PRDM16: variants seen among roughly 807,000 people sequenced by gnomAD.
PRDM16 encodes PR/SET domain 16, also known as histone-lysine N-methyltransferase PRDM16.
PRDM16 carries 23 observed loss-of-function variants against 110.6 expected under a neutral mutation model. The ratio of observed to expected loss-of-function variants is 0.21; its 90% CI spans 0.15 to 0.29. The LOEUF (loss-of-function observed/expected upper bound fraction) is 0.29. Ranked by LOEUF, PRDM16 falls within the 10% of genes least tolerant of loss-of-function variation. The pLI, the probability that PRDM16 is intolerant of heterozygous loss-of-function variation, is 1.00. For synonymous variants in PRDM16, 799 were observed against 781.8 expected, an observed-to-expected ratio of 1.02 and a Z score of -0.37; for missense variants, 1,615 against 1,794.3, an observed-to-expected ratio of 0.90 and a Z score of 1.81.
At chr1:3,169,445 C>T (rs918202469) in intron 1 of PRDM16, among the ~76,000 whole-genome samples, 5 of 151,968 alleles carry the variant, frequency 3.3e-5, no homozygotes, top group Admixed American at 3.3e-4. Flanking sequence ...GAGTGCAGGC[C>T]GAGGGGCTTG....
intron 12 of PRDM16, among the ~76,000 whole-genome samples, chr1:3,421,540 G>C (rs1470246009): frequency 6.6e-6 from 1 of 152,174 alleles, no homozygotes; most frequent in Non-Finnish European, 1.5e-5. Flanking sequence ...TGGGCTCACG[G>C]CTCCCCTAAA....
intron 1 of PRDM16, among the ~76,000 whole-genome samples, chr1:3,162,239 C>T (rs1012007458): frequency 7.2e-5 from 11 of 152,304 alleles, no homozygotes; most frequent in East Asian, 1.9e-4. Context: ...AGGAAAACCC[C>T]GTGCCCGGTA....
chr1:3,114,506 G>GCA (rs139234332), intron 1 of PRDM16, among the ~76,000 whole-genome samples: 8 of 149,754 alleles, frequency 5.3e-5, no homozygotes, highest in Admixed American at 3.3e-4. Context: ...ACACGCGCAT[G>GCA]CACACACACA....
At chr1:3,182,239 G>C (rs1190692163) in intron 1 of PRDM16, among the ~76,000 whole-genome samples, 1 of 152,230 alleles carries the variant, frequency 6.6e-6, no homozygotes, top group Non-Finnish European at 1.5e-5. Context: ...CAAGAATCTA[G>C]GCTGAAATCT....
chr1:3,346,516 C>T (rs1642365643), intron 3 of PRDM16, among the ~76,000 whole-genome samples: 1 of 152,196 alleles, frequency 6.6e-6, no homozygotes. Context: ...ATACGTGGCC[C>T]TCCCGCCTCT....
intron 2 of PRDM16, among the ~76,000 whole-genome samples, chr1:3,241,320 C>G (rs948516609): frequency 1.3e-4 from 20 of 152,352 alleles, no homozygotes; most frequent in African/African-American, 4.8e-4. Context: ...GCGGCTCTTC[C>G]GTGGTTCCAC....
chr1:3,069,550 C>A lies in PRDM16; in HGVS notation c.37+254C>A, dbSNP rs1021443532. ...CCCTCCCCGCGGAACCCCCTCCCCC[C>A]CCACCAGTGTCAGGCGCTCGGGCCC... On this transcript the variant is annotated intron_variant, in intron 1 of 16. Coordinates refer to ENST00000270722, the MANE Select transcript of PRDM16 (RefSeq NM_022114.4). The surrounding 1 kb of genome is among the most constrained non-coding windows in gnomAD (Gnocchi z 6.1). 2.0e-5 allele frequency among the ~76,000 whole-genome samples: 3 copies of A among 149,244 alleles called. No homozygotes were observed. The highest frequency in any genetic ancestry group is 6.6e-5 in the Admixed American group (1 of 15,156).
chr1:3,181,370 A>G (rs1191626826), intron 1 of PRDM16, among the ~76,000 whole-genome samples: 2 of 38,832 alleles, frequency 5.2e-5, no homozygotes, highest in Non-Finnish European at 8.6e-5. Flanking sequence ...GGTCTTACAC[A>G]CGCAGTCTTA....
At chr1:3,365,672 C>G (rs935645603) in intron 3 of PRDM16, among the ~76,000 whole-genome samples, 12 of 152,246 alleles carry the variant, frequency 7.9e-5, no homozygotes, top group Non-Finnish European at 4.4e-5. Context: ...GGCCCTGAAG[C>G]TGCCACTGCA....
At chr1:3,073,529 C>T (rs1433296811) in intron 1 of PRDM16, among the ~76,000 whole-genome samples, 1 of 152,180 alleles carries the variant, frequency 6.6e-6, no homozygotes, top group Non-Finnish European at 1.5e-5. Context: ...GGAGCAGCTC[C>T]GGCGACTTCC....
intron 1 of PRDM16, among the ~76,000 whole-genome samples, chr1:3,117,697 A>G (rs1642991771): frequency 6.6e-6 from 1 of 152,136 alleles, no homozygotes; most frequent in South Asian, 2.1e-4. Context: ...GTCCAGGCCC[A>G]GGTCCCGTCT....
chr1:3,078,213 C>T lies in PRDM16; in HGVS notation c.37+8917C>T, dbSNP rs372491450. Among the ~76,000 whole-genome samples, 53 of 152,252 alleles carry T rather than the reference C, an allele frequency of 3.5e-4. 1 individual carries two copies. Among genetic ancestry groups the T allele is most frequent in the African/African-American group, 1.1e-3 (46 of 41,536 alleles). On this transcript the variant is annotated intron_variant, in intron 1 of 16. Coordinates refer to ENST00000270722, the MANE Select transcript of PRDM16 (RefSeq NM_022114.4). ...GGTGGGATTCCTGTGTGCCGGGCTC[C>T]GAGACCTGCATGTCAGGGGGCAGAG...
At chr1:3,399,806 A>T (rs1282470647) in intron 5 of PRDM16, among the ~76,000 whole-genome samples, 1 of 152,166 alleles carries the variant, frequency 6.6e-6, no homozygotes, top group African/African-American at 2.4e-5. Context: ...AACTACTATG[A>T]TTGTTCTTCA....
intron 1 of PRDM16, among the ~76,000 whole-genome samples, chr1:3,120,500 T>C (rs1255685892): frequency 6.6e-6 from 1 of 152,170 alleles, no homozygotes; most frequent in Non-Finnish European, 1.5e-5. Flanking sequence ...CACCAGGTCA[T>C]TTCTTTTTAG....
At chr1:3,407,435 T>C (rs991030926) in intron 8 of PRDM16, among the ~76,000 whole-genome samples, 4 of 152,196 alleles carry the variant, frequency 2.6e-5, no homozygotes, top group African/African-American at 9.7e-5. Context: ...ATGTGTGCAG[T>C]GTGCCCGGCT....
At chr1:3,314,351 G>A (rs116409299) in intron 3 of PRDM16, among the ~76,000 whole-genome samples, 1,628 of 152,282 alleles carry the variant, frequency 0.011, 27 homozygotes, top group African/African-American at 0.037. Context: ...AGGAGAGGGA[G>A]AGAGAGATGG....
intron 2 of PRDM16, among the ~76,000 whole-genome samples, chr1:3,232,592 G>C (rs1201912551): frequency 2.0e-5 from 3 of 152,298 alleles, no homozygotes; most frequent in African/African-American, 7.2e-5. Flanking sequence ...TGAGTAAGTG[G>C]GATGCATGAC....
chr1:3,334,335 A>T (rs1236546905), intron 3 of PRDM16, among the ~76,000 whole-genome samples: 1 of 152,068 alleles, frequency 6.6e-6, no homozygotes, highest in East Asian at 1.9e-4. Context: ...CACGTCAGGG[A>T]CTTCCATCAG....
In PRDM16 at chr1:3,071,313, C is replaced by T. The variant is rs991755419; in HGVS notation, c.37+2017C>T. Among the ~76,000 whole-genome samples, 4 of 152,384 alleles carry T rather than the reference C, an allele frequency of 2.6e-5. No individual in the cohort carries two copies. The East Asian group carries it at 7.7e-4, about 29-fold the overall frequency. On this transcript the variant is annotated intron_variant, in intron 1 of 16. Transcript: ENST00000270722. Reference sequence around the variant, plus strand: ...GGCCCGGGACCGGGTCCGCTCAGGACCAGAAGTGGTGCCTGGCAGCCATCT... The same window carrying T: ...GGCCCGGGACCGGGTCCGCTCAGGATCAGAAGTGGTGCCTGGCAGCCATCT...
Sources: gnomAD v4.1 joint callset for allele counts (sites outside exome capture counted in the v4.1 genomes callset) on GRCh38, gnomAD v4.1.1 for gene constraint, Gnocchi (gnomAD v3.1) non-coding constraint, MANE v1.5 for transcripts, NCBI Gene and HGNC (gene_info 2026-07-23, HGNC 2026-07-21) for gene names.